The following TSNAXIP1 variants were observed in gnomAD, a reference collection of about 807,000 sequenced individuals.
The protein encoded by TSNAXIP1 is translin associated factor X interacting protein 1.
Under a neutral mutation model 84.8 loss-of-function variants are expected in TSNAXIP1, and 89 were observed. That is an observed-to-expected ratio of 1.05 (90% CI 0.88 to 1.25). The LOEUF (loss-of-function observed/expected upper bound fraction) is 1.25, where lower values mean the gene tolerates loss of function less well. Among genes scored for constraint, TSNAXIP1 ranks in the 50% most tolerant of loss-of-function variants. TSNAXIP1 has a pLI of 0.00. For synonymous variants in TSNAXIP1, 347 were observed against 335.2 expected (o/e 1.04, Z -0.39); for missense variants, 874 against 887.6 (o/e 0.98, Z 0.20).
intron 5 of TSNAXIP1, 142 bp from the exon 6 acceptor site, chr16:67,824,441 C>G: frequency 1.3e-6 from 1 of 770,826 alleles, no homozygotes; most frequent in Non-Finnish European, 2.1e-6. Context: ...AGGCCTGAAA[C>G]AGGGACCATG....
At chr16:67,827,208 GC>G in intron 13 of TSNAXIP1, 40 bp from the exon 14 acceptor site, 1 of 1,612,898 alleles carries the variant, frequency 6.2e-7, no homozygotes, top group South Asian at 1.1e-5. Flanking sequence ...GCACAAGCAG[GC>G]CTCAGCAGGT....
intron 10 of TSNAXIP1, 46 bp from the exon 11 acceptor site, chr16:67,826,391 G>A (rs371481914): frequency 2.8e-5 from 45 of 1,609,680 alleles, no homozygotes; most frequent in Non-Finnish European, 3.5e-5. Flanking sequence ...GATTGGGGGT[G>A]GGGCCACAGA....
chr16:67,820,947 G>C lies in TSNAXIP1; in HGVS notation c.256G>C (p.Val86Leu). 6.3e-7 allele frequency: 1 copy of C among 1,598,334 alleles called. No homozygotes were observed. The highest frequency in any genetic ancestry group is 8.5e-7 in the Non-Finnish European group (1 of 1,172,578). Reference sequence around the variant, plus strand: ...CTGTTCAGATGACTACCGGAAGCGAGTAGGGTAAGCCAGGGTCAGTCCCAT... The same window carrying C: ...CTGTTCAGATGACTACCGGAAGCGACTAGGGTAAGCCAGGGTCAGTCCCAT... Reference protein sequence around the residue: ...KPCSDDYRKRVGSCQQHPFRT... With the variant: ...KPCSDDYRKRLGSCQQHPFRT... Residue 86 changes from valine (V) to leucine (L), a missense_variant, in exon 3 of 16, where the codon GTA becomes CTA. Coordinates refer to ENST00000561639, the MANE Select transcript of TSNAXIP1 (RefSeq NM_001288990.3).
chr16:67,814,448 C>T, intron 2 of TSNAXIP1, 47 bp downstream of exon 2: 2 of 1,454,192 alleles, frequency 1.4e-6, no homozygotes, highest in Non-Finnish European at 1.9e-6. Context: ...GCCCCCAGAC[C>T]CTATCCGTCT....
chr16:67,811,622 T>G (rs1034083213), intron 1 of TSNAXIP1, among the ~76,000 whole-genome samples: 1 of 151,812 alleles, frequency 6.6e-6, no homozygotes, highest in Non-Finnish European at 1.5e-5. Flanking sequence ...TTGTATTTTT[T>G]TAGTAGAGAC....
At chr16:67,820,753 G>T in intron 2 of TSNAXIP1, 86 bp from the exon 3 acceptor site, 1 of 1,005,604 alleles carries the variant, frequency 9.9e-7, no homozygotes, top group Non-Finnish European at 1.4e-6. Flanking sequence ...AAAAAAAAAA[G>T]TCAGGACTGG....
At chr16:67,807,329 C>A in intron 1 of TSNAXIP1, 133 bp downstream of exon 1, 1 of 1,534,114 alleles carries the variant, frequency 6.5e-7, no homozygotes, top group South Asian at 1.2e-5. Flanking sequence ...ACCACAGAGT[C>A]AATGGTTAGA....
At chr16:67,825,000 C>A in intron 6 of TSNAXIP1, 137 bp from the exon 7 acceptor site, 1 of 1,289,224 alleles carries the variant, frequency 7.8e-7, no homozygotes, top group Non-Finnish European at 1.1e-6. Context: ...CAGAAATGGC[C>A]AATCTCCTTC....
intron 15 of TSNAXIP1, 74 bp downstream of exon 15, chr16:67,827,653 G>T (rs778169357): frequency 2.5e-5 from 40 of 1,610,696 alleles, no homozygotes; most frequent in African/African-American, 5.3e-5. Context: ...TGTGCACCAT[G>T]CACCATCCAC....
intron 8 of TSNAXIP1, 38 bp from the exon 9 acceptor site, chr16:67,825,879 C>A: frequency 1.2e-6 from 2 of 1,613,980 alleles, no homozygotes; most frequent in South Asian, 2.2e-5. Flanking sequence ...GACGGGGTCT[C>A]ACAGGTGGGG....
intron 2 of TSNAXIP1, among the ~76,000 whole-genome samples, chr16:67,819,645 CTTTTT>C (rs886107623): frequency 1.5e-5 from 2 of 132,480 alleles, no homozygotes. Flanking sequence ...TGCTTTCCCT[CTTTTT>C]TTTTTTTTTT....
At chr16:67,813,752 A>AAAAAAAAAAAAAAAAAAAAT (rs2056317116) in intron 1 of TSNAXIP1, among the ~76,000 whole-genome samples, 1 of 151,600 alleles carries the variant, frequency 6.6e-6, no homozygotes. Context: ...AAAAAAAAAA[A>AAAAAAAAAAAAAAAAAAAAT]AAAGAGTTGT....
rs1453626111 is a variant in TSNAXIP1, at chr16:67,826,210, C to T, written c.1203C>T (p.Asp401=). The T allele has an allele frequency of 1.9e-6, 3 of 1,608,468 alleles. No individual in the cohort carries two copies. Among genetic ancestry groups the T allele is most frequent in the East Asian group, 4.5e-5 (2 of 44,808 alleles). The part of the protein sequence containing the change: ...WQMLAEGKNS[D]QLVDVLLEEI... ...TGCTGGCTGAGGGCAAGAACAGCGA[C>T]CAGCTGGTGGACGTGCTCCTGGAAG... is the stretch of plus-strand genomic sequence containing the variant. The change falls in exon 10 of 16, where the codon GAC becomes GAT. Residue 401 remains aspartate (D), a synonymous_variant. Coordinates refer to ENST00000561639, the MANE Select transcript of TSNAXIP1 (RefSeq NM_001288990.3).
At chr16:67,819,218 T>A (rs2056833582) in intron 2 of TSNAXIP1, among the ~76,000 whole-genome samples, 1 of 151,286 alleles carries the variant, frequency 6.6e-6, no homozygotes, top group Non-Finnish European at 1.5e-5. Context: ...CATACATACA[T>A]AAATAATTAC....
chr16:67,814,326 G>A lies in TSNAXIP1; in HGVS notation c.72G>A (p.Val24=). The change falls in exon 2 of 16, where the codon GTG becomes GTA. Residue 24 remains valine (V), a synonymous_variant. Coordinates refer to ENST00000561639, the MANE Select transcript of TSNAXIP1 (RefSeq NM_001288990.3). Reference sequence around the variant, plus strand: ...GATTACAGCCACGGCCTTCAGGAGTGACCATAGACGAATCCTTTCTCACAG... The same window carrying A: ...GATTACAGCCACGGCCTTCAGGAGTAACCATAGACGAATCCTTTCTCACAG... ...ASRLQPRPSG[V]TIDESFLTED... 1 of 1,536,006 alleles carries A rather than the reference G, an allele frequency of 6.5e-7. No homozygotes were observed. Among genetic ancestry groups the A allele is most frequent in the Non-Finnish European group, 8.7e-7 (1 of 1,146,882 alleles).
At chr16:67,822,685 T>TA (rs558001908) in intron 4 of TSNAXIP1, among the ~76,000 whole-genome samples, 2 of 152,294 alleles carry the variant, frequency 1.3e-5, no homozygotes, top group South Asian at 4.1e-4. Flanking sequence ...CCTTTTGACT[T>TA]AGTCATTGAC....
chr16:67,810,125 T>C (rs1264198429), intron 1 of TSNAXIP1, among the ~76,000 whole-genome samples: 3 of 152,140 alleles, frequency 2.0e-5, no homozygotes, highest in African/African-American at 7.2e-5. Flanking sequence ...AGCTAGACCT[T>C]AGCACTGTGG....
In TSNAXIP1 at chr16:67,823,648, T is replaced by A; in HGVS notation, c.410T>A (p.Phe137Tyr). ...RLQPYREIFE[F>Y]FIEDFKTYKP... ...CAGCCTTACAGAGAGATCTTTGAGT[T>A]CTTCATAGAGGACTTCAAAACGTAC... is the stretch of plus-strand genomic sequence containing the variant. Residue 137 changes from phenylalanine to tyrosine, a missense_variant, in exon 5 of 16, where the codon TTC (phenylalanine) becomes TAC (tyrosine). Coordinates refer to ENST00000561639, the MANE Select transcript of TSNAXIP1 (RefSeq NM_001288990.3). The A allele has an allele frequency of 6.2e-7, 1 of 1,613,814 alleles. No homozygotes were observed.
chr16:67,814,202 C>A, intron 1 of TSNAXIP1, 100 bp from the exon 2 acceptor site: 4 of 969,194 alleles, frequency 4.1e-6, no homozygotes, highest in East Asian at 2.6e-5. Flanking sequence ...CAGAGCCTGG[C>A]TCAGGGAGAC....
Sources: gnomAD v4.1 joint callset for allele counts (sites outside exome capture counted in the v4.1 genomes callset) on GRCh38, gnomAD v4.1.1 for gene constraint, MANE v1.5 for transcripts, NCBI Gene and HGNC (gene_info 2026-07-23, HGNC 2026-07-21) for gene names.